TBC1D24: variants seen among roughly 807,000 people sequenced by gnomAD.
TBC1D24 encodes Infantile myoclonic epilepsy.
Under a neutral mutation model 50.7 loss-of-function variants are expected in TBC1D24, and 47 were observed. The ratio of observed to expected loss-of-function variants is 0.93; its 90% CI spans 0.73 to 1.18. The LOEUF (loss-of-function observed/expected upper bound fraction) is 1.18. TBC1D24 is among the 50% of genes most tolerant of loss of function. The probability of loss-of-function intolerance (pLI) is 0.00; values close to 1 mark genes in which losing one functional copy is unlikely to be tolerated. For synonymous variants in TBC1D24, 324 were observed against 335.2 expected, an observed-to-expected ratio of 0.97 and a Z score of 0.36; for missense variants, 688 against 766.5, an observed-to-expected ratio of 0.90 and a Z score of 1.21.
rs781418417 is a variant in TBC1D24 at position 2,499,445 on chromosome 16, G to C, written c.1206+25G>C. ...GGTGAGCAGGGGCCCTGGAGCCAGG[G>C]CTGGCTCTGATGGGCTCCAGGGCTG... On this transcript the variant is annotated intron_variant, in intron 5 of 7. Transcript: ENST00000646147. The surrounding 1 kb of genome is among the most constrained non-coding windows in gnomAD (Gnocchi z 4.0). 1.3e-6 allele frequency: 2 copies of C among 1,595,986 alleles called. No individual in the cohort carries two copies. The highest frequency in any genetic ancestry group is 1.7e-6 in the Non-Finnish European group (2 of 1,168,684).
intron 1 of TBC1D24, among the ~76,000 whole-genome samples, chr16:2,489,675 G>A (rs924719579): frequency 6.6e-6 from 1 of 152,126 alleles, no homozygotes; most frequent in Non-Finnish European, 1.5e-5. Context: ...CCCCTGGCCC[G>A]TGCAGTTGCA....
Position 2,499,954 on chromosome 16 carries a change from A to G in TBC1D24, c.1302+24A>G, listed in dbSNP as rs558891609. ...GGGTGAGTGGGGCCAAGTGTCCCCAAACCCCCACGCAGACCCTGTAGCTGC... is the reference window on the plus strand; with the variant it reads ...GGGTGAGTGGGGCCAAGTGTCCCCAGACCCCCACGCAGACCCTGTAGCTGC... On this transcript the variant is annotated intron_variant, in intron 6 of 7. Coordinates refer to ENST00000646147, the MANE Select transcript of TBC1D24 (RefSeq NM_001199107.2). This position sits in a 1 kb window ranked among gnomAD's most constrained non-coding sequence, Gnocchi z 4.0. The G allele has an allele frequency of 7.3e-4, 1,162 of 1,600,316 alleles. 8 individuals carry two copies. The South Asian group carries it at 0.012, about 16-fold the overall frequency.
intron 1 of TBC1D24, among the ~76,000 whole-genome samples, chr16:2,494,619 G>C (rs1354490174): frequency 6.6e-6 from 1 of 151,854 alleles, no homozygotes; most frequent in Non-Finnish European, 1.5e-5. Context: ...GCCCAGGCTG[G>C]TCTTGAACTC....
rs2065662861 is a variant in TBC1D24 at position 2,487,820 on chromosome 16, G to A, written c.-115-8214G>A. Among the ~76,000 whole-genome samples the A allele has an allele frequency of 6.6e-6, 1 of 152,140 alleles. No homozygotes were observed. The highest frequency in any genetic ancestry group is 2.4e-5 in the African/African-American group (1 of 41,430). ...GCCCTGGTACTAGAAGTGGCCGAGT[G>A]CCCTGAAGTCCCAGACCTGCGTGGG... is the stretch of plus-strand genomic sequence containing the variant. On this transcript the variant is annotated intron_variant, in intron 1 of 7. Coordinates refer to ENST00000646147, the MANE Select transcript of TBC1D24 (RefSeq NM_001199107.2). This position sits in a 1 kb window ranked among gnomAD's most constrained non-coding sequence, Gnocchi z 4.1.
At position 2,496,747 on chromosome 16, in the gene TBC1D24, C is replaced by T. The variant is rs746963974; in HGVS notation, c.599C>T (p.Ala200Val). 6.2e-7 allele frequency: 1 copy of T among 1,613,850 alleles called. No individual in the cohort carries two copies. The highest frequency in any genetic ancestry group is 1.7e-5 in the Admixed American group (1 of 60,028). The change falls in exon 2 of 8, where the codon GCC becomes GTC. Residue 200 changes from alanine (A) to valine (V), a missense_variant. Physicochemically the swap from Ala to Val is moderately conservative, Grantham distance 64. Coordinates refer to ENST00000646147, the MANE Select transcript of TBC1D24 (RefSeq NM_001199107.2). ...YCQAAHKLMV[A>V]VSEDVLQVYA... ...CAGGCGGCCCACAAGCTGATGGTGGCCGTGTCGGAGGATGTCCTGCAGGTC... is the reference window on the plus strand; with the variant it reads ...CAGGCGGCCCACAAGCTGATGGTGGTCGTGTCGGAGGATGTCCTGCAGGTC...
chr16:2,500,827 T>C lies in TBC1D24; in HGVS notation c.1549T>C (p.Tyr517His), dbSNP rs1567414859. 2 of 1,607,752 alleles carry C rather than the reference T, an allele frequency of 1.2e-6. No individual in the cohort carries two copies. Among genetic ancestry groups the C allele is most frequent in the Non-Finnish European group, 8.5e-7 (1 of 1,179,856 alleles). ...AGGGGGAGGAGGCGGCCAGGCGCTCTACATCGATGGGGACCTGAACCGGGG... is the reference window on the plus strand; with the variant it reads ...AGGGGGAGGAGGCGGCCAGGCGCTCCACATCGATGGGGACCTGAACCGGGG... Reference protein sequence around the residue: ...IVGGGGGQALYIDGDLNRGRT... With the variant: ...IVGGGGGQALHIDGDLNRGRT... Residue 517 changes from tyrosine (Y) to histidine (H), a missense_variant, in exon 8 of 8, where the codon TAC becomes CAC. Transcript: ENST00000646147. This position sits in a 1 kb window ranked among gnomAD's most constrained non-coding sequence, Gnocchi z 8.0.
chr16:2,500,162 C>G lies in TBC1D24; in HGVS notation c.1303-106C>G, dbSNP rs2065779291. ...CAGCCCCTGGCTCGGGCTGCACCCACCTTGGGCTCTGGGTGCAGATTCACG... is the reference window on the plus strand; with the variant it reads ...CAGCCCCTGGCTCGGGCTGCACCCAGCTTGGGCTCTGGGTGCAGATTCACG... On this transcript the variant is annotated intron_variant, in intron 6 of 7. Coordinates refer to ENST00000646147, the MANE Select transcript of TBC1D24 (RefSeq NM_001199107.2). The surrounding 1 kb of genome is among the most constrained non-coding windows in gnomAD (Gnocchi z 8.0). 1.6e-6 allele frequency: 2 copies of G among 1,232,394 alleles called. No homozygotes were observed. Among genetic ancestry groups the G allele is most frequent in the South Asian group, 1.3e-5 (1 of 77,704 alleles). The allele number at this position is 1,232,394 out of a possible 1,614,324, so 76.3% of individuals were successfully genotyped here. A position where few individuals can be genotyped will look rare whatever the true frequency, so the allele number is the denominator to read the frequency against.
At chr16:2,498,534 C>T in intron 4 of TBC1D24, 138 bp downstream of exon 4, 3 of 841,984 alleles carry the variant, frequency 3.6e-6, no homozygotes, top group Non-Finnish European at 5.4e-6. Flanking sequence ...ATCAGGGTCC[C>T]TTTCTGGGCT....
rs863223337 is a variant in TBC1D24 at position 2,496,624 on chromosome 16, T to C, written c.476T>C (p.Leu159Pro). 1 of 1,611,888 alleles carries C rather than the reference T, an allele frequency of 6.2e-7. No individual in the cohort carries two copies. ...AECFEKACRI[L>P]ACNDPGRRLI... The stretch of plus-strand genomic sequence containing the variant: ...TGCTTCGAGAAGGCCTGCCGCATCC[T>C]GGCCTGCAATGACCCCGGCAGGAGG... The change falls in exon 2 of 8, where the codon CTG (leucine) becomes CCG (proline). Residue 159 changes from leucine (L) to proline (P), a missense_variant. By Grantham distance (98) the Leu-to-Pro change is moderately conservative. Coordinates refer to ENST00000646147, the MANE Select transcript of TBC1D24 (RefSeq NM_001199107.2).
At chr16:2,477,073 GTT>G (rs2065574852) in intron 1 of TBC1D24, 2 of 152,244 alleles carry the variant, frequency 1.3e-5, no homozygotes, top group Admixed American at 1.3e-4. Flanking sequence ...CCTGTTCAAT[GTT>G]TTACCTGTCT....
At chr16:2,488,832 G>A (rs1221494134) in intron 1 of TBC1D24, among the ~76,000 whole-genome samples, 3 of 148,022 alleles carry the variant, frequency 2.0e-5, no homozygotes, top group South Asian at 2.2e-4. Context: ...AGGCCGAGGC[G>A]GGTGGATCAC....
intron 1 of TBC1D24, among the ~76,000 whole-genome samples, chr16:2,488,562 T>C (rs936292110): frequency 3.7e-5 from 5 of 134,238 alleles, no homozygotes; most frequent in Admixed American, 1.7e-4. Flanking sequence ...TGGAGTGCAG[T>C]GTGCAGTGGT....
rs372879114 is a variant in TBC1D24, at chr16:2,494,211, A to G, written c.-115-1823A>G. On this transcript the variant is annotated intron_variant, in intron 1 of 7. Coordinates refer to ENST00000646147, the MANE Select transcript of TBC1D24 (RefSeq NM_001199107.2). Reference sequence around the variant, plus strand: ...GGTGGATCACGAGATCAGGAGTTCGAGACCAGCCTGGCCAACATGGTGAAA... The same window carrying G: ...GGTGGATCACGAGATCAGGAGTTCGGGACCAGCCTGGCCAACATGGTGAAA... Among the ~76,000 whole-genome samples the G allele has an allele frequency of 4.7e-4, 72 of 152,256 alleles. 1 individual carries two copies. The East Asian group carries it at 0.011, about 23-fold the overall frequency.
Position 2,500,043 on chromosome 16 carries a change from G to A in TBC1D24, c.1302+113G>A. On this transcript the variant is annotated intron_variant, in intron 6 of 7. Transcript: ENST00000646147. This position sits in a 1 kb window ranked among gnomAD's most constrained non-coding sequence, Gnocchi z 8.0. ...TGGGTGTCGCCATGGCAGTCACCCA[G>A]CAGCGTCATCGCCCTGTGTGCTTCC... 1 of 1,061,860 alleles carries A rather than the reference G, an allele frequency of 9.4e-7. No individual in the cohort carries two copies. The highest frequency in any genetic ancestry group is 1.5e-6 in the Non-Finnish European group (1 of 680,260). The allele number at this position is 1,061,860 out of a possible 1,614,324, so 65.8% of individuals were successfully genotyped here.
rs1696813022 is a variant in TBC1D24 at position 2,500,156 on chromosome 16, C to T, written c.1303-112C>T. 4.2e-6 allele frequency: 5 copies of T among 1,185,542 alleles called. No homozygotes were observed. Among genetic ancestry groups the T allele is most frequent in the Non-Finnish European group, 6.1e-6 (5 of 817,916 alleles). 73.4% of individuals were successfully genotyped at this position (1,185,542 alleles called of 1,614,324 possible). A position where few individuals can be genotyped will look rare whatever the true frequency, so the allele number is the denominator to read the frequency against. On this transcript the variant is annotated intron_variant, in intron 6 of 7. Transcript: ENST00000646147. The surrounding 1 kb of genome is among the most constrained non-coding windows in gnomAD (Gnocchi z 8.0). The stretch of plus-strand genomic sequence containing the variant: ...GCTCCCCAGCCCCTGGCTCGGGCTG[C>T]ACCCACCTTGGGCTCTGGGTGCAGA...
In TBC1D24 at chr16:2,496,978, C is replaced by T. The variant is rs909267678; in HGVS notation, c.830C>T (p.Ala277Val). The change falls in exon 2 of 8, where the codon GCG becomes GTG. Residue 277 changes from alanine to valine, a missense_variant. Physicochemically the swap from Ala to Val is moderately conservative, Grantham distance 64. Transcript: ENST00000646147. The part of the protein sequence containing the change: ...QDIRTFVRDI[A>V]KTVSPEKLLE... ...ATCCGCACGTTCGTCAGAGACATCGCGAAGACGGTGTCCCCTGAGAAGCTG... is the reference window on the plus strand; with the variant it reads ...ATCCGCACGTTCGTCAGAGACATCGTGAAGACGGTGTCCCCTGAGAAGCTG... 17 of 1,613,876 alleles carry T rather than the reference C, an allele frequency of 1.1e-5. No homozygotes were observed. The highest frequency in any genetic ancestry group is 5.0e-5 in the Admixed American group (3 of 60,012).
Position 2,499,526 on chromosome 16 carries a change from G to A in TBC1D24, c.1206+106G>A, listed in dbSNP as rs1047320031. 38 of 1,037,244 alleles carry A rather than the reference G, an allele frequency of 3.7e-5. No homozygotes were observed. In the African/African-American group the frequency reaches 4.6e-4, roughly 13 times the overall value. The allele number at this position is 1,037,244 out of a possible 1,614,324, so 64.3% of individuals were successfully genotyped here. A position where few individuals can be genotyped will look rare whatever the true frequency, so the allele number is the denominator to read the frequency against. On this transcript the variant is annotated intron_variant, in intron 5 of 7. Coordinates refer to ENST00000646147, the MANE Select transcript of TBC1D24 (RefSeq NM_001199107.2). This position sits in a 1 kb window ranked among gnomAD's most constrained non-coding sequence, Gnocchi z 4.0. ...GGGCTTCAGGGCCTAGGCCTCCTGGGCCAGATCCAGAGTCAGAGCGTGGGT... is the reference window on the plus strand; with the variant it reads ...GGGCTTCAGGGCCTAGGCCTCCTGGACCAGATCCAGAGTCAGAGCGTGGGT...
chr16:2,497,194 C>T (rs1004896428), intron 2 of TBC1D24, 81 bp downstream of exon 2: 20 of 1,579,068 alleles, frequency 1.3e-5, no homozygotes, highest in African/African-American at 2.7e-5. Context: ...CTCATCCTGC[C>T]GGCCTCCAGG....
chr16:2,493,299 C>T (rs555140003), intron 1 of TBC1D24, among the ~76,000 whole-genome samples: 6 of 151,828 alleles, frequency 4.0e-5, no homozygotes, highest in East Asian at 4.0e-4. Context: ...CAACCACGCC[C>T]GGCTAGTTTT....
Sources: allele counts gnomAD v4.1 joint callset (sites outside exome capture counted in the v4.1 genomes callset), GRCh38; gene constraint gnomAD v4.1.1; non-coding constraint Gnocchi (gnomAD v3.1); transcripts MANE v1.5; gene names NCBI Gene and HGNC (gene_info 2026-07-23, HGNC 2026-07-21).